Variants in SLAMF7 observed in about 807,000 individuals in gnomAD.
SLAMF7 encodes the protein 19A24 protein.
Under a neutral mutation model 34.1 loss-of-function variants are expected in SLAMF7, and 26 were observed. The observed-to-expected ratio is 0.76, with a 90% CI of 0.56 to 1.06. SLAMF7 has a LOEUF of 1.06. Ranked by LOEUF, SLAMF7 falls within the 50% of genes least tolerant of loss-of-function variation. SLAMF7 has a pLI of 0.00. For missense variants in SLAMF7, 399 were observed against 402.5 expected (o/e 0.99, Z 0.07); for synonymous variants, 171 against 156.4 (o/e 1.09, Z -0.70).
chr1:160,753,197 A>C lies in SLAMF7; in HGVS notation c.*20A>C. The stretch of plus-strand genomic sequence containing the variant: ...ATCTAGACAGCAGTGCACTCCCCTA[A>C]GTCTCTGCTCAAAAAAAAAACAATT... On this transcript the variant is annotated 3_prime_UTR_variant, in exon 7 of 7. Transcript: ENST00000368043. The C allele has an allele frequency of 6.3e-7, 1 of 1,590,800 alleles. No individual in the cohort carries two copies. The highest frequency in any genetic ancestry group is 1.1e-5 in the South Asian group (1 of 89,752).
chr1:160,750,162 C>A, intron 3 of SLAMF7, 69 bp downstream of exon 3: 1 of 1,581,262 alleles, frequency 6.3e-7, no homozygotes, highest in South Asian at 1.2e-5. Flanking sequence ...TCCTAGCCCC[C>A]ATGGGAACAG....
intron 1 of SLAMF7, 126 bp downstream of exon 1, chr1:160,739,482 T>C (rs1663559808): frequency 1.3e-6 from 1 of 782,772 alleles, no homozygotes; most frequent in Non-Finnish European, 2.1e-6. Flanking sequence ...AACATTTGCT[T>C]TTTATCAATC....
rs191756253 is a variant in SLAMF7, at chr1:160,741,434, A to C, written c.55+2078A>C. 2.0e-5 allele frequency among the ~76,000 whole-genome samples: 3 copies of C among 152,282 alleles called. No homozygotes were observed. In the East Asian group the frequency reaches 5.8e-4, roughly 29 times the overall value. On this transcript the variant is annotated intron_variant, in intron 1 of 6. Transcript: ENST00000368043. ...TGGGAAAGGTGTGTGGTGAAGCGGG[A>C]AACTTTCAAGCCTCTGTCTGTGGCT...
chr1:160,751,610 T>C, intron 5 of SLAMF7, 162 bp downstream of exon 5: 1 of 593,194 alleles, frequency 1.7e-6, no homozygotes, highest in Non-Finnish European at 3.0e-6. Context: ...TCATGGATTC[T>C]CTTCTGTGCA....
rs778516323 is a variant in SLAMF7 at position 160,751,302 on chromosome 1, T to C, written c.770-43T>C. 28 of 1,395,592 alleles carry C rather than the reference T, an allele frequency of 2.0e-5. No homozygotes were observed. The South Asian group carries it at 3.1e-4, about 16-fold the overall frequency. The allele number at this position is 1,395,592 out of a possible 1,614,324, so 86.5% of individuals were successfully genotyped here. A position where few individuals can be genotyped will look rare whatever the true frequency, so the allele number is the denominator to read the frequency against. On this transcript the variant is annotated intron_variant, in intron 4 of 6. Transcript: ENST00000368043. ...ATGGTGGGCCAGTGGAAGTGGTGAG[T>C]GGTTGGAGAGGTGGCTTTGATTCTC...
At chr1:160,753,004 G>A (rs1428763970) in intron 6 of SLAMF7, 102 bp from the exon 7 acceptor site, 1 of 1,061,258 alleles carries the variant, frequency 9.4e-7, no homozygotes, top group Middle Eastern at 2.4e-4. Context: ...GATTTGGGTT[G>A]GGTAACCTTG....
At chr1:160,742,424 G>A (rs1356275363) in intron 1 of SLAMF7, among the ~76,000 whole-genome samples, 1 of 152,164 alleles carries the variant, frequency 6.6e-6, no homozygotes, top group African/African-American at 2.4e-5. Flanking sequence ...CCATCCAAAG[G>A]TGTTTTGGGA....
chr1:160,746,353 G>A (rs1237919006), intron 1 of SLAMF7, among the ~76,000 whole-genome samples: 1 of 152,178 alleles, frequency 6.6e-6, no homozygotes, highest in Admixed American at 6.5e-5. Flanking sequence ...TCACCATGTA[G>A]CCTTGCAGTA....
intron 1 of SLAMF7, among the ~76,000 whole-genome samples, chr1:160,747,512 T>A (rs1300633207): frequency 6.6e-6 from 1 of 152,064 alleles, no homozygotes; most frequent in Non-Finnish European, 1.5e-5. Flanking sequence ...AAACCCCACC[T>A]CTACTAAAAA....
intron 4 of SLAMF7, 123 bp from the exon 5 acceptor site, chr1:160,751,222 T>G (rs974453790): frequency 1.4e-6 from 1 of 720,332 alleles, no homozygotes; most frequent in Admixed American, 2.2e-5. Flanking sequence ...TGAAAACCCT[T>G]CCATTACAAG....
chr1:160,748,769 T>G (rs1664329776), intron 2 of SLAMF7, among the ~76,000 whole-genome samples: 1 of 152,214 alleles, frequency 6.6e-6, no homozygotes, highest in African/African-American at 2.4e-5. Context: ...AATGCTGGCT[T>G]CTTTATTTAG....
intron 6 of SLAMF7, 45 bp downstream of exon 6, chr1:160,752,293 T>A: frequency 6.6e-7 from 1 of 1,516,844 alleles, no homozygotes; most frequent in Non-Finnish European, 9.1e-7. Context: ...GTTCCATTTC[T>A]TTTCCTGCTT....
intron 1 of SLAMF7, among the ~76,000 whole-genome samples, chr1:160,745,631 A>G (rs1310325562): frequency 6.6e-6 from 1 of 152,230 alleles, no homozygotes; most frequent in Admixed American, 6.5e-5. Context: ...ACAATAAATC[A>G]TGGTCACAAT....
At chr1:160,749,755 A>T in intron 2 of SLAMF7, 66 bp from the exon 3 acceptor site, 1 of 1,400,778 alleles carries the variant, frequency 7.1e-7, no homozygotes, top group Middle Eastern at 1.9e-4. Flanking sequence ...AAGGTATCCA[A>T]GGATAATTCA....
chr1:160,748,528 G>C lies in SLAMF7; in HGVS notation c.376+14G>C, dbSNP rs768376930. On this transcript the variant is annotated intron_variant, in intron 2 of 6. Transcript: ENST00000368043. ...TGCATGTCTACGGTGAGCAAAATCA[G>C]TTCCAATGGTGGATGGCTGCCTTGG... 6.3e-7 allele frequency: 1 copy of C among 1,597,362 alleles called. No individual in the cohort carries two copies. Among genetic ancestry groups the C allele is most frequent in the Non-Finnish European group, 8.6e-7 (1 of 1,168,502 alleles).
intron 1 of SLAMF7, among the ~76,000 whole-genome samples, chr1:160,744,363 A>ATGGAGCTCCG (rs549056267): frequency 1.3e-3 from 191 of 152,296 alleles, no homozygotes; most frequent in Admixed American, 4.9e-3. Flanking sequence ...ACATTCCGAG[A>ATGGAGCTCCG]ATGGCATGGA....
chr1:160,746,000 C>T (rs988390778), intron 1 of SLAMF7, among the ~76,000 whole-genome samples: 1 of 152,066 alleles, frequency 6.6e-6, no homozygotes, highest in Non-Finnish European at 1.5e-5. Context: ...GGAATTTGTC[C>T]TTTTACTAGA....
chr1:160,748,888 A>G (rs1216515809), intron 2 of SLAMF7, among the ~76,000 whole-genome samples: 1 of 152,228 alleles, frequency 6.6e-6, no homozygotes. Flanking sequence ...CAAAATATCG[A>G]TCACATCTCT....
intron 4 of SLAMF7, chr1:160,751,115 C>T (rs909852866): frequency 2.0e-6 from 1 of 504,612 alleles, no homozygotes. Context: ...ACTTTGACCA[C>T]CTTGATGGAG....
Sources: gnomAD v4.1 joint callset for allele counts (sites outside exome capture counted in the v4.1 genomes callset) on GRCh38, gnomAD v4.1.1 for gene constraint, MANE v1.5 for transcripts, NCBI Gene and HGNC (gene_info 2026-07-23, HGNC 2026-07-21) for gene names.